Variants in APC observed in about 807,000 individuals in gnomAD.
APC encodes the protein adenomatous polyposis coli protein.
A neutral mutation model predicts 247.0 loss-of-function variants in APC; 72 were observed. The observed-to-expected ratio is 0.29, with a 90% CI of 0.24 to 0.35. The LOEUF (loss-of-function observed/expected upper bound fraction) is 0.35. Among genes scored for constraint, APC ranks in the 10% least tolerant of loss-of-function variants. APC has a pLI of 1.00. For missense variants in APC, 3,400 were observed against 3,360.7 expected (o/e 1.01, Z -0.29); for synonymous variants, 1,254 against 1,162.5 (o/e 1.08, Z -1.60).
chr5:112,843,072 T>C lies in APC; in HGVS notation c.7478T>C (p.Leu2493Pro), dbSNP rs769889352. ...VLSPSLPDMS[L>P]STHSSVQAGG... ...AGTCCTTCCCTTCCTGATATGTCTCTATCCACACATTCGTCTGTTCAGGCT... is the reference window on the plus strand; with the variant it reads ...AGTCCTTCCCTTCCTGATATGTCTCCATCCACACATTCGTCTGTTCAGGCT... The change falls in exon 16 of 16, where the codon CTA (leucine) becomes CCA (proline). Residue 2493 changes from leucine to proline, a missense_variant. Physicochemically the swap from Leu to Pro is moderately conservative, Grantham distance 98 (BLOSUM62 -3). Coordinates refer to ENST00000257430, the MANE Select transcript of APC (RefSeq NM_000038.6). This position sits in a 1 kb window ranked among gnomAD's most constrained non-coding sequence, Gnocchi z 4.8. 1.4e-5 allele frequency: 22 copies of C among 1,613,894 alleles called. No individual in the cohort carries two copies. The highest frequency in any genetic ancestry group is 1.9e-5 in the Non-Finnish European group (22 of 1,179,856).
intron 1 of APC, among the ~76,000 whole-genome samples, chr5:112,708,791 A>G (rs1054056241): frequency 6.6e-6 from 1 of 151,934 alleles, no homozygotes; most frequent in African/African-American, 2.4e-5. Flanking sequence ...TTACTGTTCA[A>G]CCCTCCTTAG....
chr5:112,793,416 T>C (rs1759862413), intron 7 of APC, among the ~76,000 whole-genome samples: 1 of 152,112 alleles, frequency 6.6e-6, no homozygotes, highest in Admixed American at 6.6e-5. Flanking sequence ...CTAACCCTGA[T>C]TCTGCTGAGA....
rs77520481 is a variant in APC, at chr5:112,821,401, G to A, written c.1313-495G>A. Among the ~76,000 whole-genome samples, 1,034 of 152,024 alleles carry A rather than the reference G, an allele frequency of 6.8e-3. 14 individuals are homozygous for A. Among genetic ancestry groups the A allele is most frequent in the South Asian group, 0.043 (208 of 4,810 alleles). On this transcript the variant is annotated intron_variant, in intron 10 of 15. Coordinates refer to ENST00000257430, the MANE Select transcript of APC (RefSeq NM_000038.6). ...GTATGCCTGTAGTCCTAGCTGCTCC[G>A]GAAGCTGAGGCAGGAAGGTCAATTG...
In APC at chr5:112,843,555, CAGA is replaced by C; in HGVS notation, c.7962_7964del (p.Glu2655del). On this transcript the variant is annotated inframe_deletion, in exon 16 of 16. Coordinates refer to ENST00000257430, the MANE Select transcript of APC (RefSeq NM_000038.6). This position sits in a 1 kb window ranked among gnomAD's most constrained non-coding sequence, Gnocchi z 4.8. ...CAAATGGCACCTGCTGTTTCTAAAA[CAGA>C]GGATGTTTGGGTGAGAATTGAGGAC... is the stretch of plus-strand genomic sequence containing the variant. 6.2e-7 allele frequency: 1 copy of C among 1,613,910 alleles called. No homozygotes were observed. Among genetic ancestry groups the C allele is most frequent in the East Asian group, 2.2e-5 (1 of 44,876 alleles).
In APC at chr5:112,839,803, C is replaced by T. The variant is rs1554085619; in HGVS notation, c.4209C>T (p.Ser1403=). The T allele has an allele frequency of 1.2e-6, 2 of 1,613,972 alleles. No individual in the cohort carries two copies. Among genetic ancestry groups the T allele is most frequent in the Admixed American group, 1.7e-5 (1 of 59,988 alleles). The change falls in exon 16 of 16, where the codon AGC becomes AGT. Residue 1403 remains serine (S), a synonymous_variant. Coordinates refer to ENST00000257430, the MANE Select transcript of APC (RefSeq NM_000038.6). The surrounding 1 kb of genome is among the most constrained non-coding windows in gnomAD (Gnocchi z 5.0). ...GTTTTGAGAGTCGTTCGATTGCCAGCTCCGTTCAGAGTGAACCATGCAGTG... is the reference window on the plus strand; with the variant it reads ...GTTTTGAGAGTCGTTCGATTGCCAGTTCCGTTCAGAGTGAACCATGCAGTG... The part of the protein sequence containing the change: ...LDSFESRSIA[S]SVQSEPCSGM...
intron 2 of APC, among the ~76,000 whole-genome samples, chr5:112,763,199 T>C (rs2149771277): frequency 6.6e-6 from 1 of 152,286 alleles, no homozygotes; most frequent in African/African-American, 2.4e-5. Flanking sequence ...ATTCACTATT[T>C]TATTAAATTA....
chr5:112,837,193 A>G (rs1050126077), intron 15 of APC, among the ~76,000 whole-genome samples: 1 of 152,236 alleles, frequency 6.6e-6, no homozygotes, highest in African/African-American at 2.4e-5. Context: ...CATAGATTAA[A>G]TTACCACAAA....
At chr5:112,809,500 A>C (rs1287866477) in intron 8 of APC, among the ~76,000 whole-genome samples, 2 of 152,134 alleles carry the variant, frequency 1.3e-5, no homozygotes, top group African/African-American at 4.8e-5. Context: ...CTAGCCTAAA[A>C]TTCCAAAGCA....
chr5:112,730,956 C>T (rs1415314811), intron 1 of APC, among the ~76,000 whole-genome samples: 1 of 152,024 alleles, frequency 6.6e-6, no homozygotes, highest in Non-Finnish European at 1.5e-5. Flanking sequence ...TTTTATCTCT[C>T]TCTGCTTTTC....
chr5:112,717,455 C>T (rs1751237708), intron 1 of APC, among the ~76,000 whole-genome samples: 1 of 151,984 alleles, frequency 6.6e-6, no homozygotes, highest in South Asian at 2.1e-4. Flanking sequence ...AGATTGCTTT[C>T]TTTGATTTTG....
At chr5:112,822,793 A>G (rs1462582556) in intron 11 of APC, among the ~76,000 whole-genome samples, 9 of 152,160 alleles carry the variant, frequency 5.9e-5, no homozygotes, top group Non-Finnish European at 1.3e-4. Context: ...ATGTTACATT[A>G]TGTTCCAGCC....
intron 8 of APC, among the ~76,000 whole-genome samples, chr5:112,802,429 TC>T (rs368722479): frequency 1.6e-4 from 25 of 152,166 alleles, no homozygotes; most frequent in African/African-American, 6.0e-4. Flanking sequence ...ATTTATATAT[TC>T]CTACACATAT....
intron 1 of APC, chr5:112,738,333 T>G: frequency 1.0e-6 from 1 of 985,494 alleles, no homozygotes. Context: ...GAAAGGCTTC[T>G]TTTCCTCCCT....
At chr5:112,723,361 C>G (rs1235414069) in intron 1 of APC, among the ~76,000 whole-genome samples, 1 of 152,014 alleles carries the variant, frequency 6.6e-6, no homozygotes, top group African/African-American at 2.4e-5. Context: ...ACTCAGAAAG[C>G]TGAGATGGGA....
chr5:112,715,530 G>A (rs111669058), intron 1 of APC, among the ~76,000 whole-genome samples: 134 of 152,166 alleles, frequency 8.8e-4, no homozygotes, highest in African/African-American at 2.9e-3. Context: ...ATAAAATGAG[G>A]TGCCCATCAT....
At chr5:112,734,195 A>T (rs1393212617), upstream of APC, among the ~76,000 whole-genome samples, 1 of 152,216 alleles carries the variant, frequency 6.6e-6, no homozygotes, top group Non-Finnish European at 1.5e-5. Context: ...CTCGTCCCTG[A>T]AAAAATGGGA....
At chr5:112,746,638 A>G (rs1753714234) in intron 1 of APC, among the ~76,000 whole-genome samples, 1 of 152,238 alleles carries the variant, frequency 6.6e-6, no homozygotes, top group African/African-American at 2.4e-5. Flanking sequence ...ACGTTCAGCA[A>G]CCACTACTAA....
chr5:112,735,492 A>G (rs1309676438), upstream of APC, among the ~76,000 whole-genome samples: 1 of 126,014 alleles, frequency 7.9e-6, no homozygotes, highest in African/African-American at 3.0e-5. Context: ...AAATATTTTT[A>G]ATGCATACAT....
chr5:112,743,615 G>T (rs916771368), intron 1 of APC, among the ~76,000 whole-genome samples: 9 of 152,166 alleles, frequency 5.9e-5, no homozygotes, highest in Non-Finnish European at 1.5e-5. Flanking sequence ...ATTTATATCA[G>T]TGTATCAGCT....
Sources: gnomAD v4.1 joint callset for allele counts (sites outside exome capture counted in the v4.1 genomes callset) on GRCh38, gnomAD v4.1.1 for gene constraint, Gnocchi (gnomAD v3.1) non-coding constraint, MANE v1.5 for transcripts, NCBI Gene and HGNC (gene_info 2026-07-23, HGNC 2026-07-21) for gene names.